The following NRG3 variants were observed in gnomAD, a reference collection of about 807,000 sequenced individuals.
NRG3 encodes neuregulin 3, also known as pro-neuregulin-3, membrane-bound isoform.
In NRG3, 31 loss-of-function variants were observed where a neutral mutation model predicts 66.9. That is an observed-to-expected ratio of 0.46 (90% confidence interval 0.35 to 0.63). The LOEUF is 0.63. Ranked by LOEUF, NRG3 falls within the 20% of genes least tolerant of loss-of-function variation. The pLI is 0.00. For missense variants in NRG3, 910 were observed against 878.9 expected (o/e 1.04, Z -0.45); for synonymous variants, 393 against 359.4 (o/e 1.09, Z -1.06).
chr10:82,324,298 T>C (rs755206537), intron 1 of NRG3, among the ~76,000 whole-genome samples: 1 of 152,178 alleles, frequency 6.6e-6, no homozygotes, highest in Non-Finnish European at 1.5e-5. Flanking sequence ...CGATAATTTG[T>C]GTCTACTTTT....
intron 2 of NRG3, among the ~76,000 whole-genome samples, chr10:82,450,998 A>G (rs2090994740): frequency 6.6e-6 from 1 of 152,174 alleles, no homozygotes; most frequent in Admixed American, 6.5e-5. Context: ...CTTATCATCT[A>G]CGTTAACTGC....
chr10:82,917,676 A>G lies in NRG3; in HGVS notation c.1055-33793A>G, dbSNP rs533280320. On this transcript the variant is annotated intron_variant, in intron 4 of 8. Coordinates refer to ENST00000372141, the MANE Select transcript of NRG3 (RefSeq NM_001010848.4). ...GGACCATATTTCTGGTGTATTTTAT[A>G]GCATCTTGAATATCCTGGAATAAAG... Among the ~76,000 whole-genome samples, 29 of 152,176 alleles carry G rather than the reference A, an allele frequency of 1.9e-4. No homozygotes were observed. In the South Asian group the frequency reaches 6.0e-3, roughly 32 times the overall value.
intron 4 of NRG3, among the ~76,000 whole-genome samples, chr10:82,880,972 G>A (rs1842251617): frequency 6.6e-6 from 1 of 152,218 alleles, no homozygotes. Flanking sequence ...GAGTTAATAT[G>A]AGCAGTGCAG....
At chr10:82,019,457 GAGT>G (rs570883817) in intron 1 of NRG3, among the ~76,000 whole-genome samples, 2,045 of 152,240 alleles carry the variant, frequency 0.013, 43 homozygotes, top group African/African-American at 0.047. Context: ...CTCATAAAAT[GAGT>G]TAGGGAGGAT....
intron 2 of NRG3, among the ~76,000 whole-genome samples, chr10:82,374,924 T>C (rs1027785651): frequency 1.3e-5 from 2 of 152,182 alleles, no homozygotes; most frequent in African/African-American, 4.8e-5. Context: ...CTAGTTCACA[T>C]ACCTACCAAA....
intron 1 of NRG3, among the ~76,000 whole-genome samples, chr10:81,973,208 G>T (rs2059995176): frequency 6.6e-6 from 1 of 152,120 alleles, no homozygotes; most frequent in Non-Finnish European, 1.5e-5. Context: ...GTGGCCTCCA[G>T]CTTCATCCAT....
chr10:82,874,728 A>C (rs1591798461), intron 4 of NRG3, among the ~76,000 whole-genome samples: 2 of 152,346 alleles, frequency 1.3e-5, no homozygotes, highest in East Asian at 3.9e-4. Flanking sequence ...TAGCTGAATT[A>C]TCTTTCTAAA....
chr10:82,296,674 T>A (rs533546825), intron 1 of NRG3, among the ~76,000 whole-genome samples: 1 of 152,310 alleles, frequency 6.6e-6, no homozygotes, highest in South Asian at 2.1e-4. Context: ...ATTTCAACTC[T>A]TTTCTTCTAG....
At chr10:82,822,149 A>T (rs532744828) in intron 3 of NRG3, among the ~76,000 whole-genome samples, 114 of 152,256 alleles carry the variant, frequency 7.5e-4, no homozygotes, top group African/African-American at 2.7e-3. Flanking sequence ...GATGAGTGCA[A>T]ACTGGACTTA....
intron 2 of NRG3, among the ~76,000 whole-genome samples, chr10:82,725,949 G>A (rs2057573265): frequency 6.6e-6 from 1 of 152,090 alleles, no homozygotes; most frequent in Non-Finnish European, 1.5e-5. Flanking sequence ...GACTGTATTT[G>A]GAGATAGGAT....
intron 4 of NRG3, among the ~76,000 whole-genome samples, chr10:82,870,876 T>C (rs1841280912): frequency 1.3e-5 from 2 of 152,212 alleles, no homozygotes; most frequent in Non-Finnish European, 2.9e-5. Flanking sequence ...GGCTTTTCCC[T>C]TTATTCTCTT....
At chr10:82,675,609 C>A (rs2053629891) in intron 2 of NRG3, among the ~76,000 whole-genome samples, 1 of 152,254 alleles carries the variant, frequency 6.6e-6, no homozygotes, top group East Asian at 1.9e-4. Context: ...ATCTGCCTAG[C>A]CTGGTGGTCT....
At chr10:82,934,069 G>A (rs569911217) in intron 4 of NRG3, among the ~76,000 whole-genome samples, 1 of 152,264 alleles carries the variant, frequency 6.6e-6, no homozygotes, top group East Asian at 1.9e-4. Flanking sequence ...CCTGAGAGGG[G>A]AAATTCCTTC....
chr10:82,498,723 G>A (rs1171885908), intron 2 of NRG3, among the ~76,000 whole-genome samples: 3 of 152,094 alleles, frequency 2.0e-5, no homozygotes, highest in Non-Finnish European at 2.9e-5. Context: ...TTTAGTTGTC[G>A]ATGAAGAGGA....
chr10:81,900,478 A>C (rs1843959845), intron 1 of NRG3, among the ~76,000 whole-genome samples: 1 of 152,244 alleles, frequency 6.6e-6, no homozygotes, highest in Non-Finnish European at 1.5e-5. Context: ...ACAAGTTTGC[A>C]GAACTCCATA....
At chr10:82,570,110 T>A (rs2045640306) in intron 2 of NRG3, among the ~76,000 whole-genome samples, 1 of 151,692 alleles carries the variant, frequency 6.6e-6, no homozygotes, top group African/African-American at 2.4e-5. Context: ...CCCTTTCTTA[T>A]ACCTTCCAAG....
chr10:82,568,978 T>C (rs777786119), intron 2 of NRG3, among the ~76,000 whole-genome samples: 5 of 151,812 alleles, frequency 3.3e-5, no homozygotes, highest in African/African-American at 4.8e-5. Flanking sequence ...CAGTAAGCCT[T>C]CTAACATGTC....
intron 2 of NRG3, among the ~76,000 whole-genome samples, chr10:82,510,259 A>G (rs1424247667): frequency 6.6e-6 from 1 of 152,134 alleles, no homozygotes; most frequent in Non-Finnish European, 1.5e-5. Context: ...AGAGGCAGAT[A>G]CTAATCTTAT....
chr10:82,677,044 T>TC (rs2053745263), intron 2 of NRG3, among the ~76,000 whole-genome samples: 1 of 148,088 alleles, frequency 6.8e-6, no homozygotes, highest in African/African-American at 2.5e-5. Context: ...CTTTCTTTCT[T>TC]TCTCTCTCTC....
Sources: allele counts gnomAD v4.1 joint callset (sites outside exome capture counted in the v4.1 genomes callset), GRCh38; gene constraint gnomAD v4.1.1; transcripts MANE v1.5; gene names NCBI Gene and HGNC (gene_info 2026-07-23, HGNC 2026-07-21).